Variants in DPP10 observed in about 807,000 individuals in gnomAD.
The protein encoded by DPP10 is inactive dipeptidyl peptidase 10.
Under a neutral mutation model 120.9 loss-of-function variants are expected in DPP10, and 33 were observed. That is an observed-to-expected ratio of 0.27 (90% CI 0.21 to 0.37). DPP10 has a LOEUF of 0.37. DPP10 is among the 10% of genes least tolerant of loss of function. The pLI is 1.00. For missense variants in DPP10, 816 were observed against 942.8 expected (o/e 0.87, Z 1.76); for synonymous variants, 337 against 326.1 (o/e 1.03, Z -0.36).
intron 1 of DPP10, among the ~76,000 whole-genome samples, chr2:115,013,035 G>C (rs113289648): frequency 5.9e-5 from 9 of 152,212 alleles, no homozygotes; most frequent in African/African-American, 2.2e-4. Flanking sequence ...TGATCCTGTC[G>C]TTATGATGCT....
chr2:115,297,226 G>A, intron 1 of DPP10: 3 of 301,826 alleles, frequency 9.9e-6, no homozygotes, highest in South Asian at 7.9e-5. Context: ...AATGCTGCAT[G>A]GCATAAGCTG....
intron 1 of DPP10, among the ~76,000 whole-genome samples, chr2:114,675,380 G>T (rs534642734): frequency 6.6e-6 from 1 of 152,252 alleles, no homozygotes; most frequent in Non-Finnish European, 1.5e-5. Context: ...AGTGAGGATT[G>T]ATTTGATAAA....
At chr2:115,495,503 A>G (rs1483125800) in intron 3 of DPP10, among the ~76,000 whole-genome samples, 7 of 152,070 alleles carry the variant, frequency 4.6e-5, no homozygotes, top group Non-Finnish European at 1.0e-4. Flanking sequence ...AGGTGGATGC[A>G]GAAGTCTCAG....
At chr2:115,264,978 A>G (rs1207860468) in intron 1 of DPP10, among the ~76,000 whole-genome samples, 1 of 152,164 alleles carries the variant, frequency 6.6e-6, no homozygotes, top group Non-Finnish European at 1.5e-5. Flanking sequence ...CTTATAGGTT[A>G]GAGAAATATA....
At chr2:115,603,138 G>GTA (rs2083443951) in intron 5 of DPP10, among the ~76,000 whole-genome samples, 2 of 150,582 alleles carry the variant, frequency 1.3e-5, no homozygotes, top group Non-Finnish European at 3.0e-5. Context: ...GTGTGTGTGT[G>GTA]TGTGTGTGTG....
chr2:115,373,775 ACT>A (rs1406077220), intron 3 of DPP10, among the ~76,000 whole-genome samples: 1 of 151,642 alleles, frequency 6.6e-6, no homozygotes, highest in Non-Finnish European at 1.5e-5. Context: ...GGTTTCATTG[ACT>A]CACAGTTTCA....
chr2:114,939,106 T>G (rs537537152), intron 1 of DPP10, among the ~76,000 whole-genome samples: 1 of 152,192 alleles, frequency 6.6e-6, no homozygotes, highest in African/African-American at 2.4e-5. Context: ...GTATACTATA[T>G]TCTTAGAAAA....
chr2:114,697,918 C>T (rs542136904), intron 1 of DPP10, among the ~76,000 whole-genome samples: 1 of 152,182 alleles, frequency 6.6e-6, no homozygotes, highest in African/African-American at 2.4e-5. Flanking sequence ...ACAACTGTAA[C>T]TTATAGATTT....
At position 114,443,777 on chromosome 2, in the gene DPP10, T is replaced by C. The variant is rs554298899; in HGVS notation, c.60+939T>C. Among the ~76,000 whole-genome samples, 10 of 152,134 alleles carry C rather than the reference T, an allele frequency of 6.6e-5. No individual in the cohort carries two copies. The East Asian group carries it at 1.5e-3, about 23-fold the overall frequency. On this transcript the variant is annotated intron_variant, in intron 1 of 25. Transcript: ENST00000410059. ...TAGTTACTGCAATCTCTCATTAACA[T>C]ACAAGTGCATACCTTTTGCTACTAT...
At chr2:115,808,891 A>G (rs1033770035) in intron 19 of DPP10, among the ~76,000 whole-genome samples, 21 of 152,206 alleles carry the variant, frequency 1.4e-4, no homozygotes, top group Non-Finnish European at 1.8e-4. Context: ...GAAAAATCTT[A>G]GAACTAGGAG....
chr2:114,715,027 T>G (rs7605779), intron 1 of DPP10, among the ~76,000 whole-genome samples: 23,381 of 152,042 alleles, frequency 0.15, 2,521 homozygotes, highest in African/African-American at 0.31. Context: ...TAATATTATG[T>G]CACATTTCCT....
At chr2:115,600,620 T>TATC (rs1320176657) in intron 5 of DPP10, among the ~76,000 whole-genome samples, 1 of 152,248 alleles carries the variant, frequency 6.6e-6, no homozygotes, top group Admixed American at 6.5e-5. Flanking sequence ...CACATTTAAT[T>TATC]ATCTTAAGAA....
chr2:114,534,842 G>C (rs964642241), intron 1 of DPP10, among the ~76,000 whole-genome samples: 5 of 151,994 alleles, frequency 3.3e-5, no homozygotes, highest in African/African-American at 4.8e-5. Flanking sequence ...CTGTTACTTT[G>C]ACCTCTTCCT....
chr2:115,816,379 C>A (rs1389052160), intron 21 of DPP10, among the ~76,000 whole-genome samples: 1 of 152,114 alleles, frequency 6.6e-6, no homozygotes, highest in Non-Finnish European at 1.5e-5. Flanking sequence ...TCAAATAAAT[C>A]TCTTGAAGCA....
intron 5 of DPP10, among the ~76,000 whole-genome samples, chr2:115,628,118 C>T (rs1204554809): frequency 6.6e-6 from 1 of 152,132 alleles, no homozygotes; most frequent in Non-Finnish European, 1.5e-5. Flanking sequence ...AGTGGTTGAA[C>T]TGATTTACAT....
chr2:114,777,645 A>G (rs1249007406), intron 1 of DPP10, among the ~76,000 whole-genome samples: 4 of 152,084 alleles, frequency 2.6e-5, no homozygotes, highest in Non-Finnish European at 4.4e-5. Context: ...CTTAAGAAAT[A>G]AATATAAAGT....
chr2:115,449,779 C>G (rs933457608), intron 3 of DPP10, among the ~76,000 whole-genome samples: 5 of 152,052 alleles, frequency 3.3e-5, no homozygotes, highest in Non-Finnish European at 5.9e-5. Context: ...ATGTCAGATC[C>G]TCGGCACATA....
intron 1 of DPP10, among the ~76,000 whole-genome samples, chr2:114,568,382 G>A (rs1254011916): frequency 6.6e-6 from 1 of 152,134 alleles, no homozygotes; most frequent in East Asian, 1.9e-4. Context: ...TGGAACTGGA[G>A]GTCATTATGT....
chr2:115,244,226 A>ATC (rs2058419467), intron 1 of DPP10, among the ~76,000 whole-genome samples: 1 of 37,528 alleles, frequency 2.7e-5, no homozygotes, highest in Admixed American at 2.7e-4. Context: ...GTATATATAT[A>ATC]TATATATATA....
Sources: gnomAD v4.1 joint callset for allele counts (sites outside exome capture counted in the v4.1 genomes callset) on GRCh38, gnomAD v4.1.1 for gene constraint, MANE v1.5 for transcripts, NCBI Gene and HGNC (gene_info 2026-07-23, HGNC 2026-07-21) for gene names.